The following TRANK1 variants were observed in gnomAD, a reference collection of about 807,000 sequenced individuals.
TRANK1 encodes TPR and ankyrin repeat-containing protein 1.
Under a neutral mutation model 266.0 loss-of-function variants are expected in TRANK1, and 198 were observed. The ratio of observed to expected loss-of-function variants is 0.74; its 90% CI spans 0.66 to 0.84. TRANK1 has a LOEUF of 0.84. Among genes scored for constraint, TRANK1 ranks in the 40% least tolerant of loss-of-function variants. The pLI is 0.00. For missense variants in TRANK1, 3,326 were observed against 3,634.6 expected, an observed-to-expected ratio of 0.92 and a Z score of 2.18; for synonymous variants, 1,396 against 1,384.1, an observed-to-expected ratio of 1.01 and a Z score of -0.19.
rs780383102 is a variant in TRANK1 at position 36,833,597 on chromosome 3, C to T, written c.5986G>A (p.Ala1996Thr). Reference sequence around the variant, plus strand: ...GAATCCCTGGCCACATTGAGGCGGGCGGCCCCCAGCAGACATGAGGCCTGG... The same window carrying T: ...GAATCCCTGGCCACATTGAGGCGGGTGGCCCCCAGCAGACATGAGGCCTGG... ...DFQASCLLGA[A>T]RLNVARDSDI... Residue 1996 changes from alanine (A) to threonine (T), a missense_variant, in exon 22 of 24, where the codon GCC (alanine) becomes ACC (threonine). Physicochemically the swap from Ala to Thr is moderately conservative, Grantham distance 58. Coordinates refer to ENST00000645898, the MANE Select transcript of TRANK1 (RefSeq NM_001329998.2). 1.7e-5 allele frequency: 28 copies of T among 1,613,658 alleles called. No homozygotes were observed. Among genetic ancestry groups the T allele is most frequent in the Middle Eastern group, 1.7e-4 (1 of 6,060 alleles).
intron 8 of TRANK1, among the ~76,000 whole-genome samples, chr3:36,879,711 T>TATAA (rs2079459016): frequency 9.9e-6 from 1 of 100,782 alleles, no homozygotes; most frequent in African/African-American, 4.6e-5. Flanking sequence ...TAAATATAAA[T>TATAA]ATATAAATAT....
intron 8 of TRANK1, among the ~76,000 whole-genome samples, chr3:36,886,369 C>A (rs530395356): frequency 4.6e-5 from 7 of 151,998 alleles, no homozygotes; most frequent in South Asian, 4.2e-4. Flanking sequence ...TTAGCCTCCC[C>A]CAAAGTGCTA....
chr3:36,856,183 GC>G lies in TRANK1; in HGVS notation c.3538del (p.Ala1180HisfsTer16). On this transcript the variant is annotated frameshift_variant, in exon 13 of 24. Transcript: ENST00000645898. LOFTEE classifies it high-confidence loss of function. ...CTCCAGCTGGTGGGGATGTTCTGGTGCACATACTTCTGCAGCTTGGCCGTCC... is the reference window on the plus strand; with the variant it reads ...CTCCAGCTGGTGGGGATGTTCTGGTGACATACTTCTGCAGCTTGGCCGTCC... ...AGDGQAAEVC[A>X]PEHPHQLEHL... 6.2e-7 allele frequency: 1 copy of G among 1,613,924 alleles called. No homozygotes were observed. Among genetic ancestry groups the G allele is most frequent in the Non-Finnish European group, 8.5e-7 (1 of 1,179,878 alleles).
At chr3:36,881,783 T>C (rs1172263758) in intron 8 of TRANK1, among the ~76,000 whole-genome samples, 2 of 152,198 alleles carry the variant, frequency 1.3e-5, no homozygotes, top group East Asian at 1.9e-4. Flanking sequence ...TGGCAACCAG[T>C]AATCTACTTT....
In TRANK1 at chr3:36,944,976, G is replaced by T. The variant is rs1575348216; in HGVS notation, c.-167C>A. On this transcript the variant is annotated 5_prime_UTR_variant, in exon 1 of 24. Transcript: ENST00000645898. ...GGGGCCCCCAGCTGCCTGCGGCTCG[G>T]CTACCCAGCCGCGATCAGAGGGGGC... The T allele has an allele frequency of 1.4e-5, 8 of 588,166 alleles. No homozygotes were observed. Among genetic ancestry groups the T allele is most frequent in the Non-Finnish European group, 2.1e-5 (8 of 372,670 alleles). The allele number at this position is 588,166 out of a possible 1,614,324, so 36.4% of individuals were successfully genotyped here.
At chr3:36,896,814 G>A (rs755390131) in intron 4 of TRANK1, among the ~76,000 whole-genome samples, 1 of 152,110 alleles carries the variant, frequency 6.6e-6, no homozygotes, top group African/African-American at 2.4e-5. Context: ...GGCCAACAGG[G>A]TGAAAGCCCT....
chr3:36,889,584 A>G lies in TRANK1; in HGVS notation c.907+245T>C, dbSNP rs566532091. Reference sequence around the variant, plus strand: ...CCATGTTCTTGAATGATTCAACCCCACAGAAGCCATTTCAAGGTGAAAGAG... The same window carrying G: ...CCATGTTCTTGAATGATTCAACCCCGCAGAAGCCATTTCAAGGTGAAAGAG... On this transcript the variant is annotated intron_variant, in intron 8 of 23. Coordinates refer to ENST00000645898, the MANE Select transcript of TRANK1 (RefSeq NM_001329998.2). Among the ~76,000 whole-genome samples, 6 of 152,324 alleles carry G rather than the reference A, an allele frequency of 3.9e-5. No homozygotes were observed. In the South Asian group the frequency reaches 1.2e-3, roughly 32 times the overall value.
chr3:36,838,723 T>G lies in TRANK1; in HGVS notation c.5281-7A>C. On this transcript the variant is annotated splice_region_variant and splice_polypyrimidine_tract_variant and intron_variant, in intron 18 of 23. Transcript: ENST00000645898. Reference sequence around the variant, plus strand: ...GGTAACACTTGGCTGCAACCTGGAATAGGCAAAAAGTTTTATTCCCAGCAA... The same window carrying G: ...GGTAACACTTGGCTGCAACCTGGAAGAGGCAAAAAGTTTTATTCCCAGCAA... 1 of 1,611,706 alleles carries G rather than the reference T, an allele frequency of 6.2e-7. No homozygotes were observed. Among genetic ancestry groups the G allele is most frequent in the East Asian group, 2.2e-5 (1 of 44,836 alleles).
intron 12 of TRANK1, 118 bp from the exon 13 acceptor site, chr3:36,858,167 A>G (rs2079086078): frequency 2.4e-6 from 2 of 825,462 alleles, no homozygotes; most frequent in African/African-American, 3.4e-5. Context: ...ACTCCCCCAA[A>G]AAATCTGAAA....
At chr3:36,935,938 A>G (rs2080419165) in intron 1 of TRANK1, among the ~76,000 whole-genome samples, 1 of 152,224 alleles carries the variant, frequency 6.6e-6, no homozygotes, top group Non-Finnish European at 1.5e-5. Context: ...AGATTATTTC[A>G]CTGGTGGTAT....
chr3:36,832,886 C>T lies in TRANK1; in HGVS notation c.6697G>A (p.Gly2233Arg), dbSNP rs780310525. 11 of 1,613,708 alleles carry T rather than the reference C, an allele frequency of 6.8e-6. No individual in the cohort carries two copies. The Admixed American group carries it at 1.3e-4, about 20-fold the overall frequency. The change falls in exon 22 of 24, where the codon GGG becomes AGG. Residue 2233 changes from glycine to arginine, a missense_variant. By Grantham distance (125) the Gly-to-Arg change is moderately radical. Coordinates refer to ENST00000645898, the MANE Select transcript of TRANK1 (RefSeq NM_001329998.2). Reference sequence around the variant, plus strand: ...ACTTTTTTGGCTTCCAAAAGCAACCCGTTGATTGCCACCAAGTTCATTTTC... The same window carrying T: ...ACTTTTTTGGCTTCCAAAAGCAACCTGTTGATTGCCACCAAGTTCATTTTC... ...QSKMNLVAIN[G>R]LLLEAKKVFP...
intron 1 of TRANK1, among the ~76,000 whole-genome samples, chr3:36,922,743 T>C (rs1390281025): frequency 6.7e-6 from 1 of 149,738 alleles, no homozygotes; most frequent in Non-Finnish European, 1.5e-5. Context: ...ACCACTGCAC[T>C]CCAGCCTGGG....
rs369128737 is a variant in TRANK1 at position 36,899,206 on chromosome 3, G to A, written c.336C>T (p.Ala112=). The change falls in exon 4 of 24, where the codon GCC becomes GCT. Residue 112 remains alanine, a synonymous_variant. Coordinates refer to ENST00000645898, the MANE Select transcript of TRANK1 (RefSeq NM_001329998.2). Reference sequence around the variant, plus strand: ...GCAGACCCTCAAAAAACATGCGAGCGGCTTCGTAAGGCTGGTGCAACCTCA... The same window carrying A: ...GCAGACCCTCAAAAAACATGCGAGCAGCTTCGTAAGGCTGGTGCAACCTCA... ...SLLRLHQPYE[A]ARMFFEGLRL... 2.8e-4 allele frequency: 426 copies of A among 1,537,108 alleles called. No individual in the cohort carries two copies. The highest frequency in any genetic ancestry group is 4.6e-4 in the East Asian group (19 of 40,930).
At chr3:36,933,550 T>C (rs1242020958) in intron 1 of TRANK1, among the ~76,000 whole-genome samples, 1 of 152,152 alleles carries the variant, frequency 6.6e-6, no homozygotes, top group Non-Finnish European at 1.5e-5. Flanking sequence ...GCTTATCTCC[T>C]AGCATCCACC....
At chr3:36,881,054 A>G (rs1228028483) in intron 8 of TRANK1, among the ~76,000 whole-genome samples, 1 of 151,700 alleles carries the variant, frequency 6.6e-6, no homozygotes, top group Non-Finnish European at 1.5e-5. Flanking sequence ...GCCACATCCA[A>G]TGAACTTTTT....
intron 1 of TRANK1, among the ~76,000 whole-genome samples, chr3:36,922,787 A>AG (rs2080234042): frequency 6.6e-6 from 1 of 152,014 alleles, no homozygotes; most frequent in Admixed American, 6.6e-5. Context: ...AAAGAAAAAA[A>AG]AAAAAAAATT....
In TRANK1 at chr3:36,830,958, G is replaced by A. The variant is rs148832022; in HGVS notation, c.8625C>T (p.Ser2875=). 5.0e-6 allele frequency: 8 copies of A among 1,613,942 alleles called. No homozygotes were observed. The highest frequency in any genetic ancestry group is 5.9e-6 in the Non-Finnish European group (7 of 1,179,872). Residue 2875 remains serine (S), a synonymous_variant, in exon 22 of 24, where the codon AGC becomes AGT. Transcript: ENST00000645898. ...IHSHVGSKEH[S]HMLQKVQEHI... is the part of the protein sequence containing the mutation. ...GCTCCTGGACCTTCTGCAGCATGTG[G>A]CTGTGCTCCTTGGAGCCCACGTGAC...
At chr3:36,840,728 C>T (rs1286188474) in intron 18 of TRANK1, among the ~76,000 whole-genome samples, 1 of 152,184 alleles carries the variant, frequency 6.6e-6, no homozygotes, top group African/African-American at 2.4e-5. Context: ...GATCCAGGAA[C>T]CCCAGTCACC....
At position 36,827,862 on chromosome 3, in the gene TRANK1, T is replaced by A. The variant is rs2078648591; in HGVS notation, c.*413A>T. 1 of 164,780 alleles carries A rather than the reference T, an allele frequency of 6.1e-6. No individual in the cohort carries two copies. The highest frequency in any genetic ancestry group is 5.9e-5 in the Admixed American group (1 of 17,048). The allele number at this position is 164,780 out of a possible 1,614,324, so 10.2% of individuals were successfully genotyped here. A position where few individuals can be genotyped will look rare whatever the true frequency, so the allele number is the denominator to read the frequency against. The stretch of plus-strand genomic sequence containing the variant: ...AGCAGTGTGGCAGGAGATGAGGGAA[T>A]CCATAGAGAGATTTCCTGGCCCAGA... On this transcript the variant is annotated 3_prime_UTR_variant, in exon 24 of 24. Transcript: ENST00000645898.
Sources: allele counts gnomAD v4.1 joint callset (sites outside exome capture counted in the v4.1 genomes callset), GRCh38; gene constraint gnomAD v4.1.1; transcripts MANE v1.5; gene names NCBI Gene and HGNC (gene_info 2026-07-23, HGNC 2026-07-21).